MAL: variants seen among roughly 807,000 people sequenced by gnomAD.
The protein encoded by MAL is mal, T cell differentiation protein (MAL blood group).
A neutral mutation model predicts 16.7 loss-of-function variants in MAL; 5 were observed. That is an observed-to-expected ratio of 0.30 (90% CI 0.16 to 0.63). The LOEUF is 0.63. Among genes scored for constraint, MAL ranks in the 30% least tolerant of loss-of-function variants. MAL has a pLI of 0.82. For synonymous variants in MAL, 96 were observed against 85.5 expected (o/e 1.12, Z -0.67); for missense variants, 202 against 195.8 (o/e 1.03, Z -0.19).
At chr2:95,037,529 CGAGTGAGTGACT>C (rs1270487447) in intron 1 of MAL, among the ~76,000 whole-genome samples, 17 of 40,640 alleles carry the variant, frequency 4.2e-4, no homozygotes, top group Middle Eastern at 0.017. Flanking sequence ...AGTGAGCAAG[CGAGTGAGTGACT>C]GAGTGAGTGA....
At position 95,053,719 on chromosome 2, in the gene MAL, G is replaced by A; in HGVS notation, c.*264G>A. The A allele has an allele frequency of 2.2e-6, 1 of 452,346 alleles. No homozygotes were observed. The highest frequency in any genetic ancestry group is 3.5e-5 in the Admixed American group (1 of 28,614). The allele number at this position is 452,346 out of a possible 1,614,324, so 28.0% of individuals were successfully genotyped here. ...TCTGCTAGGGTCACCTCCTGTTTGT[G>A]AAAGGGGACCTTCTTGTTCGGGGGT... On this transcript the variant is annotated 3_prime_UTR_variant, in exon 4 of 4. Transcript: ENST00000309988.
At chr2:95,045,841 G>C (rs1359694085) in intron 1 of MAL, among the ~76,000 whole-genome samples, 2 of 149,994 alleles carry the variant, frequency 1.3e-5, no homozygotes, top group African/African-American at 4.9e-5. Context: ...ATAATCTGTT[G>C]AATCTTAAAC....
chr2:95,039,106 A>AGTGAGTGAGTG (rs1558659149), intron 1 of MAL, among the ~76,000 whole-genome samples: 1 of 143,242 alleles, frequency 7.0e-6, no homozygotes, highest in African/African-American at 2.6e-5. Context: ...GTGAGTGAGT[A>AGTGAGTGAGTG]AGTGTCTGAG....
intron 3 of MAL, chr2:95,051,972 C>T (rs1376971396): frequency 6.6e-6 from 1 of 152,338 alleles, no homozygotes; most frequent in African/African-American, 2.4e-5. Flanking sequence ...CCCTCTCTCA[C>T]ACAGCCTGGT....
intron 1 of MAL, among the ~76,000 whole-genome samples, chr2:95,046,079 T>C (rs1674579351): frequency 6.6e-6 from 1 of 152,224 alleles, no homozygotes; most frequent in Non-Finnish European, 1.5e-5. Context: ...AAGTCTTCAT[T>C]GCACTGATTT....
chr2:95,040,383 A>T (rs150973119), intron 1 of MAL, among the ~76,000 whole-genome samples: 1 of 152,184 alleles, frequency 6.6e-6, no homozygotes, highest in African/African-American at 2.4e-5. Flanking sequence ...ATGCACATAT[A>T]CACAAGCATA....
Position 95,053,401 on chromosome 2 carries a change from T to A in MAL, c.408T>A (p.Thr136=). 6.2e-7 allele frequency: 1 copy of A among 1,613,434 alleles called. No homozygotes were observed. Among genetic ancestry groups the A allele is most frequent in the Non-Finnish European group, 8.5e-7 (1 of 1,179,518 alleles). The change falls in exon 4 of 4, where the codon ACT becomes ACA. Residue 136 remains threonine, a synonymous_variant. Coordinates refer to ENST00000309988, the MANE Select transcript of MAL (RefSeq NM_002371.4). ...TCCAGGTGTTCTCCTACATAGCCAC[T>A]CTGCTCTACGTGGTCCATGCGGTGT... The part of the protein sequence containing the change: ...IAAVVFSYIA[T]LLYVVHAVFS...
rs763384911 is a variant in MAL, at chr2:95,048,165, C to A, written c.261+39C>A. On this transcript the variant is annotated intron_variant, in intron 2 of 3. Coordinates refer to ENST00000309988, the MANE Select transcript of MAL (RefSeq NM_002371.4). ...AGGGTGGCTGCTGGTTGTAGGGGGGCGCAGGAAGTACTGGTCCCTGGCCCA... is the reference window on the plus strand; with the variant it reads ...AGGGTGGCTGCTGGTTGTAGGGGGGAGCAGGAAGTACTGGTCCCTGGCCCA... 2.6e-6 allele frequency: 4 copies of A among 1,562,044 alleles called. No individual in the cohort carries two copies. The South Asian group carries it at 3.3e-5, about 13-fold the overall frequency.
At chr2:95,027,171 T>G (rs1333237317) in intron 1 of MAL, among the ~76,000 whole-genome samples, 1 of 152,092 alleles carries the variant, frequency 6.6e-6, no homozygotes, top group Admixed American at 6.5e-5. Flanking sequence ...CTGGCCTCCT[T>G]TTAGAAGTTC....
chr2:95,037,940 GTAACTGA>G (rs1674287947), intron 1 of MAL, among the ~76,000 whole-genome samples: 1 of 142,040 alleles, frequency 7.0e-6, no homozygotes, highest in Non-Finnish European at 1.5e-5. Flanking sequence ...GAGTGAGTGA[GTAACTGA>G]GTGAGTGAGT....
intron 1 of MAL, among the ~76,000 whole-genome samples, chr2:95,032,766 C>T (rs1037957745): frequency 6.6e-6 from 1 of 152,200 alleles, no homozygotes; most frequent in Admixed American, 6.5e-5. Context: ...CCTAGCTGGG[C>T]ATGAGCAGTG....
chr2:95,026,028 C>T, intron 1 of MAL, 143 bp downstream of exon 1: 1 of 668,204 alleles, frequency 1.5e-6, no homozygotes, highest in South Asian at 2.0e-5. Flanking sequence ...GGGGACTAAG[C>T]CAGGGAAGTC....
At chr2:95,048,237 C>T in intron 2 of MAL, 111 bp downstream of exon 2, 1 of 1,140,600 alleles carries the variant, frequency 8.8e-7, no homozygotes. Context: ...CCGTAGATGT[C>T]ACCCCACCAT....
rs1674766223 is a variant in MAL, at chr2:95,053,516, G to A, written c.*61G>A. ...TGTTAACTGGCCGCCCCACTTTCCGGCATAACTTTTTAGAAAACAGAAATG... is the reference window on the plus strand; with the variant it reads ...TGTTAACTGGCCGCCCCACTTTCCGACATAACTTTTTAGAAAACAGAAATG... On this transcript the variant is annotated 3_prime_UTR_variant, in exon 4 of 4. Coordinates refer to ENST00000309988, the MANE Select transcript of MAL (RefSeq NM_002371.4). The A allele has an allele frequency of 7.5e-6, 10 of 1,331,926 alleles. No homozygotes were observed. Among genetic ancestry groups the A allele is most frequent in the Non-Finnish European group, 9.7e-6 (9 of 926,058 alleles). The allele number at this position is 1,331,926 out of a possible 1,614,324, so 82.5% of individuals were successfully genotyped here.
intron 1 of MAL, among the ~76,000 whole-genome samples, chr2:95,033,009 C>T (rs1486328641): frequency 2.0e-5 from 3 of 152,362 alleles, no homozygotes; most frequent in East Asian, 1.9e-4. Flanking sequence ...GGTGCAGGGT[C>T]GCACAGCCAG....
chr2:95,034,761 G>C (rs915666561), intron 1 of MAL, among the ~76,000 whole-genome samples: 1 of 152,198 alleles, frequency 6.6e-6, no homozygotes, highest in Non-Finnish European at 1.5e-5. Flanking sequence ...CTGTGGTCAG[G>C]TTGGGGGCAG....
intron 1 of MAL, among the ~76,000 whole-genome samples, chr2:95,034,188 C>G (rs1674151346): frequency 6.6e-6 from 1 of 152,108 alleles, no homozygotes; most frequent in African/African-American, 2.4e-5. Flanking sequence ...TTGACTTTTC[C>G]CTGGAGTCAC....
In MAL at chr2:95,053,491, T is replaced by C. The variant is rs1049378166; in HGVS notation, c.*36T>C. 3.3e-6 allele frequency: 5 copies of C among 1,501,282 alleles called. No individual in the cohort carries two copies. The East Asian group carries it at 9.0e-5, about 27-fold the overall frequency. 93.0% of individuals were successfully genotyped at this position (1,501,282 alleles called of 1,614,324 possible). ...GAACTTGAGCTGAAAACCCAGATGG[T>C]GTTAACTGGCCGCCCCACTTTCCGG... On this transcript the variant is annotated 3_prime_UTR_variant, in exon 4 of 4. Transcript: ENST00000309988.
At chr2:95,043,452 G>A (rs1674516349) in intron 1 of MAL, among the ~76,000 whole-genome samples, 1 of 152,230 alleles carries the variant, frequency 6.6e-6, no homozygotes, top group Non-Finnish European at 1.5e-5. Flanking sequence ...TTTGCAGAGA[G>A]GAAGCTGGGG....
Sources: gnomAD v4.1 joint callset for allele counts (sites outside exome capture counted in the v4.1 genomes callset) on GRCh38, gnomAD v4.1.1 for gene constraint, MANE v1.5 for transcripts, NCBI Gene and HGNC (gene_info 2026-07-23, HGNC 2026-07-21) for gene names.